The following GLRA3 variants were observed in gnomAD, a reference collection of about 807,000 sequenced individuals.
GLRA3 encodes glycine receptor subunit alpha-3.
In GLRA3, 44 loss-of-function variants were observed where a neutral mutation model predicts 60.4. The observed-to-expected ratio is 0.73, with a 90% CI of 0.57 to 0.94. The LOEUF (loss-of-function observed/expected upper bound fraction) is 0.94, where lower values mean the gene tolerates loss of function less well. GLRA3 is among the 40% of genes least tolerant of loss of function. The probability of loss-of-function intolerance (pLI) is 0.00; values close to 1 mark genes in which losing one functional copy is unlikely to be tolerated. For missense variants in GLRA3, 508 were observed against 564.6 expected (o/e 0.90, Z 1.02); for synonymous variants, 223 against 192.9 (o/e 1.16, Z -1.29).
intron 4 of GLRA3, among the ~76,000 whole-genome samples, chr4:174,725,859 T>C (rs949373833): frequency 5.9e-5 from 9 of 152,218 alleles, no homozygotes; most frequent in African/African-American, 2.2e-4. Context: ...GTTCTTTGTA[T>C]GATTTCTGGT....
At chr4:174,721,007 T>TTGTGTGTG (rs10639932) in intron 4 of GLRA3, among the ~76,000 whole-genome samples, 2,350 of 141,526 alleles carry the variant, frequency 0.017, 33 homozygotes, top group African/African-American at 0.045. Context: ...TGTGTGAACT[T>TTGTGTGTG]TGTGTGTGTG....
chr4:174,698,650 T>G (rs1735165136), intron 5 of GLRA3, among the ~76,000 whole-genome samples: 1 of 152,198 alleles, frequency 6.6e-6, no homozygotes, highest in African/African-American at 2.4e-5. Context: ...TTGAAGAGTA[T>G]TATTATGAAA....
intron 2 of GLRA3, among the ~76,000 whole-genome samples, chr4:174,786,509 C>T (rs925649383): frequency 6.6e-6 from 1 of 152,060 alleles, no homozygotes; most frequent in African/African-American, 2.4e-5. Context: ...CCTAAATATC[C>T]TCCTGATAGC....
intron 4 of GLRA3, among the ~76,000 whole-genome samples, chr4:174,725,956 G>C (rs1736305309): frequency 6.6e-6 from 1 of 151,996 alleles, no homozygotes; most frequent in Non-Finnish European, 1.5e-5. Flanking sequence ...AACTTTTTTG[G>C]TTTTCTCTGA....
intron 1 of GLRA3, among the ~76,000 whole-genome samples, chr4:174,792,146 C>A (rs1297535426): frequency 1.3e-5 from 2 of 152,152 alleles, no homozygotes; most frequent in Non-Finnish European, 2.9e-5. Context: ...GTTTTCAGGT[C>A]TTTCCTGAGC....
rs561182610 is a variant in GLRA3, at chr4:174,824,335, C to T, written c.71+4406G>A. 1.4e-4 allele frequency among the ~76,000 whole-genome samples: 21 copies of T among 152,262 alleles called. No individual in the cohort carries two copies. In the South Asian group the frequency reaches 4.1e-3, roughly 30 times the overall value. On this transcript the variant is annotated intron_variant, in intron 1 of 9. Transcript: ENST00000274093. ...TCTTTACATAGCTCTTAAATAATTG[C>T]TATCACCAATCCTATGACTAATAGT...
rs544424974 is a variant in GLRA3, at chr4:174,710,209, C to T, written c.574+5279G>A. Among the ~76,000 whole-genome samples the T allele has an allele frequency of 9.1e-4, 139 of 152,054 alleles. 1 individual carries two copies. The South Asian group carries it at 0.016, about 17-fold the overall frequency. On this transcript the variant is annotated intron_variant, in intron 5 of 9. Coordinates refer to ENST00000274093, the MANE Select transcript of GLRA3 (RefSeq NM_006529.4). The stretch of plus-strand genomic sequence containing the variant: ...TTTCATTGATTTTCATGTCTGCATG[C>T]TTATCCATGTCTCAATAAGCAGTAC...
At position 174,821,615 on chromosome 4, in the gene GLRA3, A is replaced by C. The variant is rs1024844719; in HGVS notation, c.71+7126T>G. Among the ~76,000 whole-genome samples the C allele has an allele frequency of 5.6e-4, 85 of 152,262 alleles. 1 individual carries two copies. The highest frequency in any genetic ancestry group is 4.9e-4 in the Non-Finnish European group (33 of 67,998). On this transcript the variant is annotated intron_variant, in intron 1 of 9. Coordinates refer to ENST00000274093, the MANE Select transcript of GLRA3 (RefSeq NM_006529.4). Reference sequence around the variant, plus strand: ...TATCTGTGGTATTACAATTTCTTGGAAGTCAGTTACAAAAAATGTCTACAA... The same window carrying C: ...TATCTGTGGTATTACAATTTCTTGGCAGTCAGTTACAAAAAATGTCTACAA...
rs769767522 is a variant in GLRA3 at position 174,788,797 on chromosome 4, T to TAGCA, written c.199+15_199+18dup. 115 of 1,560,020 alleles carry TAGCA rather than the reference T, an allele frequency of 7.4e-5. No homozygotes were observed. The highest frequency in any genetic ancestry group is 9.8e-5 in the Non-Finnish European group (112 of 1,143,990). The stretch of plus-strand genomic sequence containing the variant: ...GTATATTTAAAACACACATATAAAG[T>TAGCA]AGCAAACAGAACAATTACCTTTAAA... On this transcript the variant is annotated intron_variant, in intron 2 of 9. Coordinates refer to ENST00000274093, the MANE Select transcript of GLRA3 (RefSeq NM_006529.4).
intron 1 of GLRA3, among the ~76,000 whole-genome samples, chr4:174,822,257 C>T (rs1287511633): frequency 1.3e-5 from 2 of 152,128 alleles, no homozygotes; most frequent in African/African-American, 4.8e-5. Flanking sequence ...GGTAGAATGC[C>T]ATGGGCTCTC....
chr4:174,644,131 A>C (rs1017485474), intron 9 of GLRA3, 67 bp from the exon 10 acceptor site: 4 of 838,136 alleles, frequency 4.8e-6, no homozygotes, highest in Non-Finnish European at 7.7e-6. Context: ...GGCATCTCAG[A>C]ATCATAACCA....
At chr4:174,671,708 G>T (rs1733915589) in intron 7 of GLRA3, among the ~76,000 whole-genome samples, 3 of 152,040 alleles carry the variant, frequency 2.0e-5, no homozygotes, top group African/African-American at 7.2e-5. Context: ...GGAGTGCAGT[G>T]GTGCAATCTC....
chr4:174,753,486 A>T (rs1737567117), intron 3 of GLRA3, among the ~76,000 whole-genome samples: 1 of 152,132 alleles, frequency 6.6e-6, no homozygotes, highest in Non-Finnish European at 1.5e-5. Context: ...ACAATTCCCA[A>T]TCTTGCTGCC....
Position 174,747,292 on chromosome 4 carries a change from A to G in GLRA3, c.268-18594T>C, listed in dbSNP as rs192337217. On this transcript the variant is annotated intron_variant, in intron 3 of 9. Transcript: ENST00000274093. ...ATGCAAGGAACAGATGTGAGATAAA[A>G]TATTGCTACTCTAAAAAGTAAGAGT... Among the ~76,000 whole-genome samples the G allele has an allele frequency of 1.2e-3, 179 of 152,276 alleles. 1 individual carries two copies. The highest frequency in any genetic ancestry group is 4.1e-3 in the African/African-American group (171 of 41,570).
intron 2 of GLRA3, among the ~76,000 whole-genome samples, chr4:174,782,402 T>G (rs1332212410): frequency 9.3e-5 from 14 of 151,196 alleles, no homozygotes; most frequent in African/African-American, 3.2e-4. Context: ...CTTTGAAAAC[T>G]GGCACAAGAC....
At chr4:174,734,263 C>T (rs1736680610) in intron 3 of GLRA3, among the ~76,000 whole-genome samples, 1 of 152,196 alleles carries the variant, frequency 6.6e-6, no homozygotes, top group Non-Finnish European at 1.5e-5. Context: ...TTCTGAAGTG[C>T]TGTACAATAT....
intron 2 of GLRA3, among the ~76,000 whole-genome samples, chr4:174,770,634 T>C (rs1738343331): frequency 6.6e-6 from 1 of 152,084 alleles, no homozygotes; most frequent in Non-Finnish European, 1.5e-5. Context: ...TTCAAACATG[T>C]ATAGAAGTTA....
At chr4:174,796,872 G>C (rs1739592100) in intron 1 of GLRA3, among the ~76,000 whole-genome samples, 1 of 152,092 alleles carries the variant, frequency 6.6e-6, no homozygotes, top group Admixed American at 6.5e-5. Flanking sequence ...TTTGCTTACA[G>C]AAAGACTTCC....
chr4:174,816,337 C>T (rs1740499740), intron 1 of GLRA3, among the ~76,000 whole-genome samples: 1 of 152,150 alleles, frequency 6.6e-6, no homozygotes, highest in Non-Finnish European at 1.5e-5. Flanking sequence ...ATGAAACGTC[C>T]AAGTGTGCTT....
Sources: gnomAD v4.1 joint callset for allele counts (sites outside exome capture counted in the v4.1 genomes callset) on GRCh38, gnomAD v4.1.1 for gene constraint, MANE v1.5 for transcripts, NCBI Gene and HGNC (gene_info 2026-07-23, HGNC 2026-07-21) for gene names.